The following TNS1 variants were observed in gnomAD, a reference collection of about 807,000 sequenced individuals.
The protein encoded by TNS1 is tensin-1.
In TNS1, 62 loss-of-function variants were observed where a neutral mutation model predicts 168.6. That is an observed-to-expected ratio of 0.37 (90% CI 0.30 to 0.45). TNS1 has a LOEUF of 0.45. Among genes scored for constraint, TNS1 ranks in the 20% least tolerant of loss-of-function variants. The pLI, the probability that TNS1 is intolerant of heterozygous loss-of-function variation, is 1.00. For missense variants in TNS1, 2,240 were observed against 2,339.4 expected (o/e 0.96, Z 0.88); for synonymous variants, 934 against 933.2 (o/e 1.00, Z -0.02).
chr2:217,880,171 G>A lies in TNS1; in HGVS notation c.1429+727C>T, dbSNP rs1215345365. On this transcript the variant is annotated intron_variant, in intron 18 of 32. Coordinates refer to ENST00000682258, the MANE Select transcript of TNS1 (RefSeq NM_001387777.1). The surrounding 1 kb of genome is among the most constrained non-coding windows in gnomAD (Gnocchi z 4.2). ...TGCTCACTTTCGGAGCCCGCCCCAC[G>A]TCTCCTTACACATATGCAGATAGAC... Among the ~76,000 whole-genome samples, 2 of 152,180 alleles carry A rather than the reference G, an allele frequency of 1.3e-5. No homozygotes were observed. The highest frequency in any genetic ancestry group is 6.5e-5 in the Admixed American group (1 of 15,284).
At chr2:217,934,979 A>G (rs1956526091) in intron 3 of TNS1, among the ~76,000 whole-genome samples, 1 of 152,230 alleles carries the variant, frequency 6.6e-6, no homozygotes, top group Non-Finnish European at 1.5e-5. Context: ...CCAAAGCCCA[A>G]AAAGTGGAAG....
chr2:217,999,348 C>T (rs1268178275), intron 1 of TNS1, among the ~76,000 whole-genome samples: 1 of 152,206 alleles, frequency 6.6e-6, no homozygotes, highest in African/African-American at 2.4e-5. Context: ...TGGATTAGCT[C>T]ATTCAAAACC....
intron 3 of TNS1, among the ~76,000 whole-genome samples, chr2:217,951,298 C>T (rs1450501948): frequency 6.6e-6 from 1 of 152,188 alleles, no homozygotes; most frequent in Non-Finnish European, 1.5e-5. Flanking sequence ...TTCAAAGAAG[C>T]CGTCACCACC....
rs766880323 is a variant in TNS1, at chr2:217,848,986, G to A, written c.1531C>T (p.Arg511Cys). 1.6e-5 allele frequency: 26 copies of A among 1,614,082 alleles called. No individual in the cohort carries two copies. Among genetic ancestry groups the A allele is most frequent in the Middle Eastern group, 3.3e-4 (2 of 6,060 alleles). Residue 511 changes from arginine (R) to cysteine (C), a missense_variant, in exon 19 of 33, where the codon CGT becomes TGT. Transcript: ENST00000682258. ...TTGGGGGTGGCCGACAGTGTAGGAC[G>A]TGTGGCATTAACAGCCCCGGTGCTG... ...HGSTGAVNAT[R>C]PTLSATPNHV...
chr2:217,849,084 A>G lies in TNS1; in HGVS notation c.1433T>C (p.Val478Ala). Residue 478 changes from valine (V) to alanine (A), a missense_variant, in exon 19 of 33, where the codon GTG becomes GCG. By Grantham distance (64) the Val-to-Ala change is moderately conservative. Coordinates refer to ENST00000682258, the MANE Select transcript of TNS1 (RefSeq NM_001387777.1). Reference protein sequence around the residue: ...SGHRDDGMEEVVGHTQGPLDG... With the variant: ...SGHRDDGMEEAVGHTQGPLDG... ...TAGTGGCCCCTGCGTGTGTCCCACC[A>G]CCTCTGCAAGGGACAGAGCCGGAGG... The G allele has an allele frequency of 6.2e-7, 1 of 1,609,050 alleles. No homozygotes were observed. The highest frequency in any genetic ancestry group is 1.1e-5 in the South Asian group (1 of 90,850).
At chr2:217,963,122 A>G (rs1957539728) in intron 3 of TNS1, among the ~76,000 whole-genome samples, 1 of 152,230 alleles carries the variant, frequency 6.6e-6, no homozygotes. Flanking sequence ...GATGAGGGTC[A>G]GAGGATAGTT....
Position 217,818,749 on chromosome 2 carries a change from C to T in TNS1, c.3583G>A (p.Gly1195Arg). 1 of 1,609,830 alleles carries T rather than the reference C, an allele frequency of 6.2e-7. No homozygotes were observed. The highest frequency in any genetic ancestry group is 8.5e-7 in the Non-Finnish European group (1 of 1,177,922). ...CTGCTCTCTCCCGACGGGAAACTCCCCACTGAAGTGCTGCAGAGAGATGGC... is the reference window on the plus strand; with the variant it reads ...CTGCTCTCTCCCGACGGGAAACTCCTCACTGAAGTGCTGCAGAGAGATGGC... Reference protein sequence around the residue: ...PILSADSTSVGSFPSGESSDQ... With the variant: ...PILSADSTSVRSFPSGESSDQ... Residue 1195 changes from glycine to arginine, a missense_variant, in exon 24 of 33, where the codon GGG becomes AGG. Gly to Arg is a moderately radical substitution (Grantham distance 125). Around this residue, in one of 2 missense-constraint regions of TNS1, gnomAD observed 2,131 missense variants for 2,171.2 expected, o/e 0.98. Transcript: ENST00000682258.
intron 23 of TNS1, 108 bp from the exon 24 acceptor site, chr2:217,818,867 TC>T: frequency 1.2e-6 from 1 of 866,958 alleles, no homozygotes; most frequent in Non-Finnish European, 1.8e-6. Flanking sequence ...GTAAGAATGG[TC>T]CCACTGGCAG....
intron 4 of TNS1, among the ~76,000 whole-genome samples, chr2:217,918,032 G>C (rs1188208250): frequency 6.6e-6 from 1 of 152,086 alleles, no homozygotes; most frequent in Non-Finnish European, 1.5e-5. Context: ...AAAATGACAA[G>C]ACACGGGTGA....
chr2:217,855,606 C>T lies in TNS1; in HGVS notation c.1430-6519G>A, dbSNP rs1055911866. Among the ~76,000 whole-genome samples, 12 of 152,100 alleles carry T rather than the reference C, an allele frequency of 7.9e-5. No homozygotes were observed. In the East Asian group the frequency reaches 9.6e-4, roughly 12 times the overall value. On this transcript the variant is annotated intron_variant, in intron 18 of 32. Coordinates refer to ENST00000682258, the MANE Select transcript of TNS1 (RefSeq NM_001387777.1). ...CCTCTCCCTAGGGCCGGTTCCCAGA[C>T]GGTGCCATCCACAATGTGGTCTGTG...
intron 22 of TNS1, 101 bp downstream of exon 22, chr2:217,831,354 G>GAAT: frequency 9.3e-7 from 1 of 1,079,840 alleles, no homozygotes; most frequent in Admixed American, 2.6e-5. Context: ...TGGGCACAAA[G>GAAT]CTGGCTGCTG....
At chr2:217,816,784 G>A (rs961919198) in intron 24 of TNS1, among the ~76,000 whole-genome samples, 36 of 152,184 alleles carry the variant, frequency 2.4e-4, no homozygotes, top group Non-Finnish European at 5.9e-5. Context: ...GCAGTGCAGG[G>A]TCATTCTAGG....
intron 19 of TNS1, among the ~76,000 whole-genome samples, chr2:217,840,384 C>T (rs1218956510): frequency 6.6e-6 from 1 of 152,222 alleles, no homozygotes; most frequent in South Asian, 2.1e-4. Flanking sequence ...ACTGTGACCC[C>T]AGTGAAGCAT....
chr2:217,906,599 A>G (rs1221825842), intron 5 of TNS1, among the ~76,000 whole-genome samples: 1 of 152,070 alleles, frequency 6.6e-6, no homozygotes, highest in Non-Finnish European at 1.5e-5. Flanking sequence ...CCTGTGGGAG[A>G]TACTATTATT....
chr2:217,963,084 G>A (rs1404462850), intron 3 of TNS1, among the ~76,000 whole-genome samples: 1 of 152,210 alleles, frequency 6.6e-6, no homozygotes, highest in Non-Finnish European at 1.5e-5. Flanking sequence ...AAAAACTTGG[G>A]TTCTAAGGAA....
intron 3 of TNS1, among the ~76,000 whole-genome samples, chr2:217,971,631 T>G (rs988003010): frequency 1.3e-5 from 2 of 152,212 alleles, no homozygotes; most frequent in African/African-American, 4.8e-5. Flanking sequence ...TATGTTGGAT[T>G]TTATAAGAAA....
At chr2:217,941,952 A>G (rs1269175486) in intron 3 of TNS1, among the ~76,000 whole-genome samples, 1 of 152,276 alleles carries the variant, frequency 6.6e-6, no homozygotes, top group East Asian at 1.9e-4. Flanking sequence ...CCAAGGCTTC[A>G]GCCACAGCCC....
At chr2:217,876,422 G>A (rs569840323) in intron 18 of TNS1, among the ~76,000 whole-genome samples, 12 of 152,172 alleles carry the variant, frequency 7.9e-5, no homozygotes, top group East Asian at 5.8e-4. Context: ...GCACTGAGCC[G>A]GCAGGCTCCA....
At chr2:217,958,808 TG>T (rs771077905) in intron 3 of TNS1, among the ~76,000 whole-genome samples, 10 of 151,926 alleles carry the variant, frequency 6.6e-5, no homozygotes, top group Non-Finnish European at 1.5e-4. Flanking sequence ...GAGGTTAGGG[TG>T]GGTTAGGGTA....
Sources: gnomAD v4.1 joint callset for allele counts (sites outside exome capture counted in the v4.1 genomes callset) on GRCh38, gnomAD v4.1.1 for gene constraint, gnomAD v4.1.1 regional missense constraint, Gnocchi (gnomAD v3.1) non-coding constraint, MANE v1.5 for transcripts, NCBI Gene and HGNC (gene_info 2026-07-23, HGNC 2026-07-21) for gene names.